Variants in TRPC4AP observed in about 807,000 individuals in gnomAD.
TRPC4AP encodes transient receptor potential cation channel subfamily C member 4 associated protein, also known as short transient receptor potential channel 4-associated protein.
A neutral mutation model predicts 99.0 loss-of-function variants in TRPC4AP; 45 were observed. The observed-to-expected ratio is 0.45, with a 90% confidence interval of 0.36 to 0.58. The LOEUF is 0.58. TRPC4AP is among the 20% of genes least tolerant of loss of function. The probability of loss-of-function intolerance (pLI) is 0.00; values close to 1 mark genes in which losing one functional copy is unlikely to be tolerated. For synonymous variants in TRPC4AP, 408 were observed against 385.8 expected (o/e 1.06, Z -0.67); for missense variants, 879 against 985.3 (o/e 0.89, Z 1.44).
At chr20:35,048,210 CTGTTTT>C (rs1569119720) in intron 6 of TRPC4AP, among the ~76,000 whole-genome samples, 6 of 91,428 alleles carry the variant, frequency 6.6e-5, no homozygotes, top group Non-Finnish European at 6.3e-5. Flanking sequence ...TGTAAGAATT[CTGTTTT>C]TTTTTTTTTT....
chr20:35,043,747 G>A (rs1440086625), intron 7 of TRPC4AP, among the ~76,000 whole-genome samples: 1 of 152,192 alleles, frequency 6.6e-6, no homozygotes, highest in African/African-American at 2.4e-5. Flanking sequence ...ATTGTAACAA[G>A]ATGCTGTAAT....
chr20:35,021,399 G>C (rs2082886577), intron 8 of TRPC4AP, 43 bp from the exon 9 acceptor site: 2 of 1,600,466 alleles, frequency 1.2e-6, no homozygotes, highest in Admixed American at 1.7e-5. Flanking sequence ...CAGCTTGTGA[G>C]GAAACACGTT....
At chr20:35,073,000 T>A (rs1205968585) in intron 2 of TRPC4AP, among the ~76,000 whole-genome samples, 4 of 152,220 alleles carry the variant, frequency 2.6e-5, no homozygotes, top group Non-Finnish European at 5.9e-5. Context: ...GTCCTTCACA[T>A]CCCTTGTGAG....
chr20:35,002,795 A>G lies in TRPC4AP; in HGVS notation c.*351T>C, dbSNP rs550598666. 119 of 213,514 alleles carry G rather than the reference A, an allele frequency of 5.6e-4. No homozygotes were observed. The highest frequency in any genetic ancestry group is 9.7e-4 in the Non-Finnish European group (103 of 106,386). The allele number at this position is 213,514 out of a possible 1,614,324, so 13.2% of individuals were successfully genotyped here. On this transcript the variant is annotated 3_prime_UTR_variant, in exon 19 of 19. Transcript: ENST00000252015. The stretch of plus-strand genomic sequence containing the variant: ...CAGATGGGGGGTGGGGGTCACCCAT[A>G]TCTTCCTCCCCACTCTGGGACTGAC...
intron 3 of TRPC4AP, among the ~76,000 whole-genome samples, chr20:35,065,941 G>A (rs754345962): frequency 7.2e-5 from 11 of 152,156 alleles, no homozygotes; most frequent in Non-Finnish European, 1.6e-4. Context: ...TAGGACCACC[G>A]ACACTGCTGT....
chr20:35,016,528 A>ATT (rs1180524774), intron 9 of TRPC4AP, among the ~76,000 whole-genome samples: 1 of 152,190 alleles, frequency 6.6e-6, no homozygotes, highest in African/African-American at 2.4e-5. Flanking sequence ...GTCTCCTCGT[A>ATT]TTAACATCAA....
chr20:35,055,357 TG>T (rs1292852986), intron 4 of TRPC4AP, among the ~76,000 whole-genome samples: 3 of 152,180 alleles, frequency 2.0e-5, no homozygotes, highest in Middle Eastern at 3.2e-3. Context: ...ATCTAGGATT[TG>T]TTTTTTTTGT....
intron 16 of TRPC4AP, among the ~76,000 whole-genome samples, chr20:35,005,038 C>T (rs1289689937): frequency 6.6e-6 from 1 of 152,176 alleles, no homozygotes; most frequent in Non-Finnish European, 1.5e-5. Flanking sequence ...CTGCTCCGTC[C>T]ACTAGTGTCG....
chr20:35,016,003 C>T lies in TRPC4AP; in HGVS notation c.1350+5G>A, dbSNP rs1016051465. 4 of 1,614,162 alleles carry T rather than the reference C, an allele frequency of 2.5e-6. No individual in the cohort carries two copies. The highest frequency in any genetic ancestry group is 2.5e-6 in the Non-Finnish European group (3 of 1,179,998). ...CCCATCTGTCCCCGGGGGTCTCCTG[C>T]TTACCGGGCTACAGTCACAGTTCTG... On this transcript the variant is annotated splice_donor_5th_base_variant and intron_variant, in intron 10 of 18. Coordinates refer to ENST00000252015, the MANE Select transcript of TRPC4AP (RefSeq NM_015638.3).
chr20:35,034,355 A>T (rs950907320), intron 8 of TRPC4AP, among the ~76,000 whole-genome samples: 1 of 152,014 alleles, frequency 6.6e-6, no homozygotes, highest in Non-Finnish European at 1.5e-5. Flanking sequence ...AAACCTCTGT[A>T]CATGAGCAAG....
At chr20:35,004,048 G>A (rs2147258814) in intron 17 of TRPC4AP, among the ~76,000 whole-genome samples, 1 of 152,312 alleles carries the variant, frequency 6.6e-6, no homozygotes, top group South Asian at 2.1e-4. Flanking sequence ...CCTCAGAACG[G>A]AACCAAAGAC....
rs778422159 is a variant in TRPC4AP, at chr20:35,092,746, G to T, written c.36C>A (p.Ala12=). Reference sequence around the variant, plus strand: ...TGGCTGCCGACCGTCTCCCTCGGCCGGCTCCAGACCCAGCCGCTACCGGCG... The same window carrying T: ...TGGCTGCCGACCGTCTCCCTCGGCCTGCTCCAGACCCAGCCGCTACCGGCG... ...AAAPVAAGSG[A]GRGRRSAATV... Residue 12 remains alanine, a synonymous_variant, in exon 1 of 19, where the codon GCC becomes GCA. Transcript: ENST00000252015. The T allele has an allele frequency of 5.1e-6, 8 of 1,560,752 alleles. No individual in the cohort carries two copies. The East Asian group carries it at 2.0e-4, about 38-fold the overall frequency.
chr20:35,092,241 C>T (rs889981271), intron 1 of TRPC4AP, among the ~76,000 whole-genome samples: 1 of 152,118 alleles, frequency 6.6e-6, no homozygotes, highest in South Asian at 2.1e-4. Flanking sequence ...GCAATGATGA[C>T]CCCCTCCCCC....
intron 10 of TRPC4AP, among the ~76,000 whole-genome samples, chr20:35,014,583 A>G (rs1032234201): frequency 1.3e-5 from 2 of 152,230 alleles, no homozygotes; most frequent in African/African-American, 2.4e-5. Flanking sequence ...CAGAAAAAAG[A>G]TATTAACATC....
intron 3 of TRPC4AP, among the ~76,000 whole-genome samples, chr20:35,068,761 C>T (rs2084211272): frequency 6.6e-6 from 1 of 151,872 alleles, no homozygotes; most frequent in African/African-American, 2.4e-5. Context: ...ACCTCACGAT[C>T]CACCTGCCTT....
At chr20:35,054,530 T>G (rs1462095675) in intron 5 of TRPC4AP, among the ~76,000 whole-genome samples, 1 of 152,222 alleles carries the variant, frequency 6.6e-6, no homozygotes, top group Non-Finnish European at 1.5e-5. Flanking sequence ...CAGATTGCTT[T>G]CTTTATTCAC....
chr20:35,054,614 T>G (rs2083782635), intron 5 of TRPC4AP, among the ~76,000 whole-genome samples: 1 of 152,236 alleles, frequency 6.6e-6, no homozygotes, highest in African/African-American at 2.4e-5. Context: ...GTTCTCATTT[T>G]GTTTTCTAAC....
intron 1 of TRPC4AP, among the ~76,000 whole-genome samples, chr20:35,089,198 G>A (rs2146051485): frequency 6.6e-6 from 1 of 151,638 alleles, no homozygotes; most frequent in African/African-American, 2.4e-5. Flanking sequence ...TGGTTAAGAT[G>A]GTAAATTTTA....
chr20:35,042,573 CTTGT>C (rs1402384961), intron 7 of TRPC4AP, among the ~76,000 whole-genome samples: 1 of 152,018 alleles, frequency 6.6e-6, no homozygotes, highest in East Asian at 1.9e-4. Context: ...ATAATTTTAC[CTTGT>C]TTATTTGGTG....
Sources: gnomAD v4.1 joint callset for allele counts (sites outside exome capture counted in the v4.1 genomes callset) on GRCh38, gnomAD v4.1.1 for gene constraint, MANE v1.5 for transcripts, NCBI Gene and HGNC (gene_info 2026-07-23, HGNC 2026-07-21) for gene names.